RARB: variants seen among roughly 807,000 people sequenced by gnomAD.
The protein encoded by RARB is HBV-activated protein.
RARB carries 17 observed loss-of-function variants against 51.9 expected under a neutral mutation model. The ratio of observed to expected loss-of-function variants is 0.33; its 90% CI spans 0.22 to 0.49. The LOEUF (loss-of-function observed/expected upper bound fraction) is 0.49. Ranked by LOEUF, RARB falls within the 20% of genes least tolerant of loss-of-function variation. The pLI is 0.99. For synonymous variants in RARB, 215 were observed against 195.4 expected (o/e 1.10, Z -0.84); for missense variants, 369 against 550.8 (o/e 0.67, Z 3.30).
In RARB at chr3:25,580,729, G is replaced by A. The variant is rs925266379; in HGVS notation, c.786+7G>A. 1 of 1,593,096 alleles carries A rather than the reference G, an allele frequency of 6.3e-7. No homozygotes were observed. The highest frequency in any genetic ancestry group is 1.3e-5 in the African/African-American group (1 of 74,648). On this transcript the variant is annotated splice_region_variant and intron_variant, in intron 5 of 7. Transcript: ENST00000330688. ...CGCCTGCCTGGACATCCTGGTATGT[G>A]CCTTTTTGAGCTCTCAATGGGTCTG...
chr3:25,203,508 T>C (rs910316409), intron 5 of RARB, among the ~76,000 whole-genome samples: 7 of 152,228 alleles, frequency 4.6e-5, no homozygotes, highest in African/African-American at 7.2e-5. Context: ...CATTAGTTGA[T>C]GCAGTTTCTT....
At chr3:25,256,619 A>G (rs1346786196) in intron 5 of RARB, among the ~76,000 whole-genome samples, 1 of 152,110 alleles carries the variant, frequency 6.6e-6, no homozygotes, top group African/African-American at 2.4e-5. Context: ...TATTTGAGCA[A>G]ATATAAGTAG....
At chr3:25,328,967 G>T (rs1704809122) in intron 5 of RARB, among the ~76,000 whole-genome samples, 1 of 152,192 alleles carries the variant, frequency 6.6e-6, no homozygotes, top group Non-Finnish European at 1.5e-5. Flanking sequence ...GTGGCAGCGA[G>T]GCTAGGGGAG....
intron 5 of RARB, among the ~76,000 whole-genome samples, chr3:25,183,102 A>T (rs1253237924): frequency 6.6e-6 from 1 of 152,198 alleles, no homozygotes; most frequent in East Asian, 1.9e-4. Context: ...TGATACAGGG[A>T]CCATAACTTC....
At chr3:25,462,294 C>T (rs1695226533) in intron 2 of RARB, 1 of 151,710 alleles carries the variant, frequency 6.6e-6, no homozygotes, top group Non-Finnish European at 1.5e-5. Flanking sequence ...GAAAGAGCTT[C>T]TTCTTTTTTT....
intron 1 of RARB, among the ~76,000 whole-genome samples, chr3:25,430,238 C>A (rs2125514812): frequency 6.6e-6 from 1 of 152,336 alleles, no homozygotes; most frequent in South Asian, 2.1e-4. Flanking sequence ...AGCTGCTCCC[C>A]AAATGCCTTT....
intron 2 of RARB, among the ~76,000 whole-genome samples, chr3:25,479,285 T>A (rs1370530136): frequency 6.6e-6 from 1 of 152,230 alleles, no homozygotes; most frequent in African/African-American, 2.4e-5. Flanking sequence ...GTGTGTTCAT[T>A]GGTTTCAGTA....
At chr3:25,228,549 C>T (rs558417599) in intron 5 of RARB, among the ~76,000 whole-genome samples, 4 of 151,790 alleles carry the variant, frequency 2.6e-5, no homozygotes, top group Non-Finnish European at 5.9e-5. Flanking sequence ...CTAAAGATTC[C>T]ATATTTTCTT....
chr3:25,040,041 A>C lies in RARB; in HGVS notation c.-379-20084A>C, dbSNP rs556660382. 3.9e-5 allele frequency among the ~76,000 whole-genome samples: 6 copies of C among 152,324 alleles called. No individual in the cohort carries two copies. The South Asian group carries it at 1.2e-3, about 32-fold the overall frequency. On this transcript the variant is annotated intron_variant, in intron 2 of 11. Coordinates refer to the RARB transcript ENST00000383772. ...ATGGTGACATTCTCCTGATATCCTG[A>C]AGGTGAGCTCTGCTGGCCAGGCCAG...
intron 2 of RARB, among the ~76,000 whole-genome samples, chr3:24,965,342 C>T (rs1053141360): frequency 2.0e-5 from 3 of 152,084 alleles, no homozygotes; most frequent in African/African-American, 7.2e-5. Context: ...ATATTTGAAA[C>T]CAGAAATACA....
intron 3 of RARB, among the ~76,000 whole-genome samples, chr3:25,532,530 G>C (rs915326403): frequency 6.6e-6 from 1 of 152,134 alleles, no homozygotes; most frequent in African/African-American, 2.4e-5. Context: ...TTAGAGTGTC[G>C]TGGTAGTTTC....
At chr3:25,569,028 A>AGAGG (rs1700608090) in intron 3 of RARB, among the ~76,000 whole-genome samples, 1 of 152,248 alleles carries the variant, frequency 6.6e-6, no homozygotes, top group South Asian at 2.1e-4. Flanking sequence ...CGGAGCATGC[A>AGAGG]GAGGGAAAGG....
chr3:25,388,391 T>C (rs1013781889), intron 5 of RARB, among the ~76,000 whole-genome samples: 5 of 152,232 alleles, frequency 3.3e-5, no homozygotes, highest in Non-Finnish European at 5.9e-5. Flanking sequence ...TGTGATGATA[T>C]GATTGTAAAT....
chr3:25,575,285 C>G (rs781462501), intron 4 of RARB, among the ~76,000 whole-genome samples: 2 of 152,186 alleles, frequency 1.3e-5, no homozygotes, highest in Non-Finnish European at 1.5e-5. Flanking sequence ...CGGCCCAGTT[C>G]CTAGCAGGAC....
chr3:25,093,470 T>A (rs1699237656), intron 3 of RARB, among the ~76,000 whole-genome samples: 1 of 141,486 alleles, frequency 7.1e-6, no homozygotes. Context: ...AAACATTTAA[T>A]GTATAGTTTA....
intron 5 of RARB, among the ~76,000 whole-genome samples, chr3:25,401,407 C>T (rs948561067): frequency 6.6e-6 from 1 of 152,128 alleles, no homozygotes; most frequent in African/African-American, 2.4e-5. Context: ...CAACGTTCCT[C>T]GCTCTACCAA....
intron 5 of RARB, among the ~76,000 whole-genome samples, chr3:25,191,538 G>A (rs566818785): frequency 2.4e-3 from 365 of 152,216 alleles, no homozygotes; most frequent in African/African-American, 8.4e-3. Flanking sequence ...AAAATGGACA[G>A]CTATGAATTT....
Position 25,282,362 on chromosome 3 carries a change from A to G in RARB, c.178+107787A>G, listed in dbSNP as rs544435674. ...TGGCTTACTCTTGAATGTTTAAATC[A>G]TTCTTCAAATGTCACCTTTTCGGTA... is the stretch of plus-strand genomic sequence containing the variant. On this transcript the variant is annotated intron_variant, in intron 5 of 11. Coordinates refer to the RARB transcript ENST00000383772. Among the ~76,000 whole-genome samples the G allele has an allele frequency of 8.5e-5, 13 of 152,316 alleles. No individual in the cohort carries two copies. The South Asian group carries it at 2.7e-3, about 32-fold the overall frequency.
At chr3:25,049,452 T>C (rs1436340763) in intron 2 of RARB, among the ~76,000 whole-genome samples, 1 of 152,234 alleles carries the variant, frequency 6.6e-6, no homozygotes, top group East Asian at 1.9e-4. Flanking sequence ...CTTGCTTATT[T>C]ACATCACTTT....
Sources: allele counts gnomAD v4.1 joint callset (sites outside exome capture counted in the v4.1 genomes callset), GRCh38; gene constraint gnomAD v4.1.1; transcripts MANE v1.5; gene names NCBI Gene and HGNC (gene_info 2026-07-23, HGNC 2026-07-21).